PARVG: variants seen among roughly 807,000 people sequenced by gnomAD.
The protein encoded by PARVG is gamma-parvin.
Under a neutral mutation model 44.4 loss-of-function variants are expected in PARVG, and 36 were observed. The observed-to-expected ratio is 0.81, with a 90% CI of 0.62 to 1.07. The LOEUF (loss-of-function observed/expected upper bound fraction) is 1.07. Among genes scored for constraint, PARVG ranks in the 50% least tolerant of loss-of-function variants. PARVG has a pLI of 0.00. For missense variants in PARVG, 407 were observed against 407.4 expected (o/e 1.00, Z 0.01); for synonymous variants, 170 against 174.1 (o/e 0.98, Z 0.19).
Position 44,193,831 on chromosome 22 carries a change from C to A in PARVG, c.583+8C>A. Reference sequence around the variant, plus strand: ...ACAAGGACGAGCCTCCAAGTGAGTACTTTCATCATTTTTGGAAATCTGTTC... The same window carrying A: ...ACAAGGACGAGCCTCCAAGTGAGTAATTTCATCATTTTTGGAAATCTGTTC... On this transcript the variant is annotated splice_region_variant and intron_variant, in intron 9 of 13. Coordinates refer to ENST00000444313, the MANE Select transcript of PARVG (RefSeq NM_022141.7). The A allele has an allele frequency of 1.2e-6, 2 of 1,614,106 alleles. No homozygotes were observed. Among genetic ancestry groups the A allele is most frequent in the Non-Finnish European group, 1.7e-6 (2 of 1,179,992 alleles).
At chr22:44,176,698 G>A (rs9614362), upstream of PARVG, among the ~76,000 whole-genome samples, 34,944 of 151,328 alleles carry the variant, frequency 0.23, 4,172 homozygotes, top group Non-Finnish European at 0.27. Context: ...CCGCAGAAAA[G>A]TTGCAGGAAT....
chr22:44,192,156 T>A, intron 8 of PARVG, 52 bp downstream of exon 8: 1 of 1,140,940 alleles, frequency 8.8e-7, no homozygotes, highest in Non-Finnish European at 1.3e-6. Context: ...CAGCGGTGGA[T>A]GGGGGCAGGG....
intron 11 of PARVG, among the ~76,000 whole-genome samples, chr22:44,197,258 T>C (rs1264778719): frequency 1.3e-5 from 2 of 152,180 alleles, no homozygotes; most frequent in Non-Finnish European, 2.9e-5. Context: ...TGTACTCCCA[T>C]GCCTAGTAGC....
intron 7 of PARVG, among the ~76,000 whole-genome samples, chr22:44,191,248 C>G (rs1052349489): frequency 6.6e-6 from 1 of 152,112 alleles, no homozygotes; most frequent in Non-Finnish European, 1.5e-5. Flanking sequence ...GCCCCACCAG[C>G]TCTTTGCTTC....
chr22:44,203,311 G>A (rs1247623116), intron 12 of PARVG, among the ~76,000 whole-genome samples: 3 of 152,192 alleles, frequency 2.0e-5, no homozygotes, highest in Admixed American at 6.5e-5. Context: ...CCCAGGAGGT[G>A]TTCTGTGACA....
In PARVG at chr22:44,182,136, G is replaced by A. The variant is rs1286363833; in HGVS notation, c.-13+219G>A. 1.3e-5 allele frequency among the ~76,000 whole-genome samples: 2 copies of A among 152,198 alleles called. No individual in the cohort carries two copies. The highest frequency in any genetic ancestry group is 2.9e-5 in the Non-Finnish European group (2 of 68,038). On this transcript the variant is annotated intron_variant, in intron 2 of 13. Transcript: ENST00000444313. This position sits in a 1 kb window ranked among gnomAD's most constrained non-coding sequence, Gnocchi z 4.6. Reference sequence around the variant, plus strand: ...CTCCCTGTTCTACTGAGGAGTTGCCGCCTCTGAACTTCAGCCAACCCCTCC... The same window carrying A: ...CTCCCTGTTCTACTGAGGAGTTGCCACCTCTGAACTTCAGCCAACCCCTCC...
At chr22:44,194,341 G>T (rs796068495) in intron 9 of PARVG, among the ~76,000 whole-genome samples, 29 of 152,294 alleles carry the variant, frequency 1.9e-4, no homozygotes, top group African/African-American at 7.0e-4. Context: ...TCAGTTGATT[G>T]TTCTAGTTGT....
intron 3 of PARVG, chr22:44,184,449 C>G (rs1206676730): frequency 6.6e-6 from 1 of 152,250 alleles, no homozygotes; most frequent in East Asian, 1.9e-4. Context: ...AGAGATTCTC[C>G]TGCCTCAGCC....
upstream of PARVG, among the ~76,000 whole-genome samples, chr22:44,180,706 A>G (rs1276622927): frequency 6.6e-6 from 1 of 152,234 alleles, no homozygotes; most frequent in African/African-American, 2.4e-5. Context: ...TTCATCACCA[A>G]TGACTCCATA....
At chr22:44,206,247 G>T in intron 13 of PARVG, 70 bp from the exon 14 acceptor site, 1 of 1,123,822 alleles carries the variant, frequency 8.9e-7, no homozygotes, top group South Asian at 1.3e-5. Context: ...AGGAAACCTT[G>T]ACCACATCGG....
chr22:44,189,387 G>C (rs921178070), intron 6 of PARVG, 133 bp downstream of exon 6: 49 of 1,381,488 alleles, frequency 3.5e-5, no homozygotes, highest in Non-Finnish European at 4.5e-5. Flanking sequence ...AGTCAGGAAG[G>C]AGGTAGAAGC....
upstream of PARVG, among the ~76,000 whole-genome samples, chr22:44,178,570 A>C (rs1458964928): frequency 6.6e-6 from 1 of 152,262 alleles, no homozygotes; most frequent in Non-Finnish European, 1.5e-5. Flanking sequence ...ACATTATTAT[A>C]AAGAAGCAGG....
At chr22:44,186,539 C>T (rs1474148542) in intron 4 of PARVG, 1 of 470,906 alleles carries the variant, frequency 2.1e-6, no homozygotes, top group African/African-American at 2.0e-5. Flanking sequence ...CTTCCTATTC[C>T]CTCACTCCAT....
At chr22:44,195,435 G>A (rs955182778) in intron 9 of PARVG, among the ~76,000 whole-genome samples, 31 of 152,200 alleles carry the variant, frequency 2.0e-4, no homozygotes, top group African/African-American at 7.5e-4. Flanking sequence ...TGTGTATTTG[G>A]TGCCCAAGGA....
chr22:44,181,899 C>T lies in PARVG; in HGVS notation c.-31C>T. On this transcript the variant is annotated 5_prime_UTR_variant, in exon 2 of 14. Coordinates refer to ENST00000444313, the MANE Select transcript of PARVG (RefSeq NM_022141.7). ...TTGCACTCAGTAGGCCTTTGTTTTC[C>T]TGCGTGGAAAGCGGTTGGGTGAGTT... is the stretch of plus-strand genomic sequence containing the variant. 3.0e-6 allele frequency: 3 copies of T among 985,482 alleles called. No homozygotes were observed. The highest frequency in any genetic ancestry group is 3.6e-6 in the Non-Finnish European group (3 of 830,016). 61.0% of individuals were successfully genotyped at this position (985,482 alleles called of 1,614,324 possible).
chr22:44,180,227 G>A (rs2054357849), upstream of PARVG, among the ~76,000 whole-genome samples: 1 of 152,116 alleles, frequency 6.6e-6, no homozygotes, highest in African/African-American at 2.4e-5. Flanking sequence ...TCTGTTCCTG[G>A]GCTCTGCCAC....
upstream of PARVG, among the ~76,000 whole-genome samples, chr22:44,179,047 G>GTAC (rs2054344159): frequency 6.6e-6 from 1 of 151,566 alleles, no homozygotes; most frequent in South Asian, 2.1e-4. This position sits in a 1 kb window ranked among gnomAD's most constrained non-coding sequence, Gnocchi z 4.2. Context: ...AACATAAAAT[G>GTAC]TACTGTCTTA....
At chr22:44,200,345 G>A (rs1259368725) in intron 12 of PARVG, among the ~76,000 whole-genome samples, 1 of 152,226 alleles carries the variant, frequency 6.6e-6, no homozygotes, top group Non-Finnish European at 1.5e-5. Flanking sequence ...CTCCCTGCCT[G>A]CCTGGACCTC....
chr22:44,202,180 TC>T (rs2054719043), intron 12 of PARVG, among the ~76,000 whole-genome samples: 1 of 152,108 alleles, frequency 6.6e-6, no homozygotes, highest in Non-Finnish European at 1.5e-5. Flanking sequence ...TGAGTTAGGG[TC>T]CTCCCTGTTT....
Sources: allele counts gnomAD v4.1 joint callset (sites outside exome capture counted in the v4.1 genomes callset), GRCh38; gene constraint gnomAD v4.1.1; non-coding constraint Gnocchi (gnomAD v3.1); transcripts MANE v1.5; gene names NCBI Gene and HGNC (gene_info 2026-07-23, HGNC 2026-07-21).